The following VPS13B variants were observed in gnomAD, a reference collection of about 807,000 sequenced individuals.
VPS13B encodes intermembrane lipid transfer protein VPS13B.
Under a neutral mutation model 426.4 loss-of-function variants are expected in VPS13B, and 285 were observed. That is an observed-to-expected ratio of 0.67 (90% CI 0.61 to 0.74). The LOEUF is 0.74. VPS13B is among the 30% of genes least tolerant of loss of function. The pLI is 0.00. For synonymous variants in VPS13B, 1,676 were observed against 1,676.4 expected (o/e 1.00, Z 0.01); for missense variants, 4,537 against 4,782.6 (o/e 0.95, Z 1.51).
At chr8:99,377,656 C>G (rs1478907727) in intron 19 of VPS13B, among the ~76,000 whole-genome samples, 1 of 152,082 alleles carries the variant, frequency 6.6e-6, no homozygotes, top group Non-Finnish European at 1.5e-5. Context: ...TCTATTTTCC[C>G]TAAGTGTTGG....
intron 17 of VPS13B, among the ~76,000 whole-genome samples, chr8:99,229,323 A>G (rs1429363885): frequency 6.6e-6 from 1 of 152,186 alleles, no homozygotes; most frequent in African/African-American, 2.4e-5. Context: ...GGGCTTCTCC[A>G]TGAGGAGAAT....
chr8:99,212,992 C>T (rs112803251), intron 17 of VPS13B, among the ~76,000 whole-genome samples: 4,460 of 152,120 alleles, frequency 0.029, 97 homozygotes, highest in Non-Finnish European at 0.045. Flanking sequence ...TCTGCAAATA[C>T]TTCTCTCCCT....
intron 43 of VPS13B, among the ~76,000 whole-genome samples, chr8:99,807,908 GA>G (rs1813487526): frequency 7.2e-6 from 1 of 138,754 alleles, no homozygotes; most frequent in South Asian, 2.3e-4. Context: ...TCTTAACATC[GA>G]AAACGTATGT....
At chr8:99,352,831 A>C (rs547965868) in intron 19 of VPS13B, among the ~76,000 whole-genome samples, 76 of 152,140 alleles carry the variant, frequency 5.0e-4, no homozygotes, top group Admixed American at 1.0e-3. Context: ...TCTCAAAAAA[A>C]AAACAAACAA....
intron 6 of VPS13B, among the ~76,000 whole-genome samples, chr8:99,114,581 A>T (rs1349553032): frequency 6.6e-6 from 1 of 152,230 alleles, no homozygotes; most frequent in Non-Finnish European, 1.5e-5. Context: ...CTTAGCAGAC[A>T]TGCATACTCC....
At chr8:99,346,395 A>T (rs769841356) in intron 19 of VPS13B, 6 of 152,152 alleles carry the variant, frequency 3.9e-5, no homozygotes, top group Non-Finnish European at 8.8e-5. Context: ...CCAGCTTGCC[A>T]TGGCTCTCAT....
In VPS13B at chr8:99,876,012, A is replaced by G. The variant is rs1297726934; in HGVS notation, c.*346A>G. 8 of 339,194 alleles carry G rather than the reference A, an allele frequency of 2.4e-5. No individual in the cohort carries two copies. Among genetic ancestry groups the G allele is most frequent in the African/African-American group, 8.4e-5 (4 of 47,406 alleles). 21.0% of individuals were successfully genotyped at this position (339,194 alleles called of 1,614,324 possible). A position where few individuals can be genotyped will look rare whatever the true frequency, so the allele number is the denominator to read the frequency against. On this transcript the variant is annotated 3_prime_UTR_variant, in exon 62 of 62. Transcript: ENST00000357162. ...TAGAGACAATGATTAACAGGGCCCTATATGTTCTTACCACATACAGAGGAT... is the reference window on the plus strand; with the variant it reads ...TAGAGACAATGATTAACAGGGCCCTGTATGTTCTTACCACATACAGAGGAT...
At chr8:99,726,026 C>T (rs1275348552) in intron 39 of VPS13B, among the ~76,000 whole-genome samples, 1 of 152,082 alleles carries the variant, frequency 6.6e-6, no homozygotes, top group Non-Finnish European at 1.5e-5. Context: ...ATACAGAAGC[C>T]TCAGATTTGT....
intron 31 of VPS13B, among the ~76,000 whole-genome samples, chr8:99,558,895 C>A (rs1285690269): frequency 6.6e-6 from 1 of 152,154 alleles, no homozygotes; most frequent in Non-Finnish European, 1.5e-5. Context: ...TTTATAGCAG[C>A]ATGATTTATA....
chr8:99,099,683 C>T (rs574484758), intron 4 of VPS13B, among the ~76,000 whole-genome samples: 3 of 151,984 alleles, frequency 2.0e-5, no homozygotes, highest in South Asian at 2.1e-4. Flanking sequence ...TTGGAGAAGA[C>T]AATATAAGGC....
At chr8:99,292,613 GTTAAAC>G (rs755507319) in intron 19 of VPS13B, among the ~76,000 whole-genome samples, 4 of 152,038 alleles carry the variant, frequency 2.6e-5, no homozygotes, top group Non-Finnish European at 4.4e-5. Context: ...ATCTATAAAA[GTTAAAC>G]ACATGGACCT....
chr8:99,737,868 A>G (rs1833909352), intron 39 of VPS13B, among the ~76,000 whole-genome samples: 1 of 152,228 alleles, frequency 6.6e-6, no homozygotes, highest in African/African-American at 2.4e-5. Context: ...TCTTGTTAAC[A>G]GTTCTCTTGT....
chr8:99,706,151 A>G (rs748976561), intron 36 of VPS13B, among the ~76,000 whole-genome samples: 3 of 152,060 alleles, frequency 2.0e-5, no homozygotes, highest in Non-Finnish European at 4.4e-5. Flanking sequence ...CTGTACCCCC[A>G]CTTATAACCA....
At chr8:99,745,635 TG>T (rs929384358) in intron 39 of VPS13B, among the ~76,000 whole-genome samples, 4 of 152,084 alleles carry the variant, frequency 2.6e-5, no homozygotes, top group Non-Finnish European at 5.9e-5. Context: ...AGTCATCCAC[TG>T]GGGGTCTTGG....
chr8:99,142,508 C>T (rs558298399), intron 12 of VPS13B, among the ~76,000 whole-genome samples: 1 of 152,048 alleles, frequency 6.6e-6, no homozygotes, highest in Non-Finnish European at 1.5e-5. Flanking sequence ...GCAGGTAATA[C>T]CTACTGTTCA....
At chr8:99,290,316 T>C (rs1819659982) in intron 19 of VPS13B, among the ~76,000 whole-genome samples, 2 of 152,102 alleles carry the variant, frequency 1.3e-5, no homozygotes, top group South Asian at 2.1e-4. Context: ...CATGGAATAC[T>C]ATGCAGCCAT....
At chr8:99,476,420 T>C (rs1819691301) in intron 24 of VPS13B, among the ~76,000 whole-genome samples, 1 of 152,060 alleles carries the variant, frequency 6.6e-6, no homozygotes, top group South Asian at 2.1e-4. Flanking sequence ...TTTTTTTTTT[T>C]TTTCCATATG....
At chr8:99,166,589 A>G (rs531655447) in intron 15 of VPS13B, among the ~76,000 whole-genome samples, 1 of 152,338 alleles carries the variant, frequency 6.6e-6, no homozygotes, top group African/African-American at 2.4e-5. Context: ...GATATACATA[A>G]ATGGAAACGC....
At position 99,575,647 on chromosome 8, in the gene VPS13B, C is replaced by CT. The variant is rs761293145; in HGVS notation, c.4950-10dup. 55 of 1,613,482 alleles carry CT rather than the reference C, an allele frequency of 3.4e-5. No homozygotes were observed. The highest frequency in any genetic ancestry group is 1.5e-4 in the Admixed American group (9 of 59,924). ...ATGAAATGGCTAATAATCTTTTACT[C>CT]TATCTTTTAGCATACGGCGGCATCA... On this transcript the variant is annotated splice_polypyrimidine_tract_variant and intron_variant, in intron 31 of 61. Transcript: ENST00000357162.
Sources: gnomAD v4.1 joint callset for allele counts (sites outside exome capture counted in the v4.1 genomes callset) on GRCh38, gnomAD v4.1.1 for gene constraint, MANE v1.5 for transcripts, NCBI Gene and HGNC (gene_info 2026-07-23, HGNC 2026-07-21) for gene names.